Variants in STK3 observed in about 807,000 individuals in gnomAD.
STK3 encodes the protein serine/threonine-protein kinase 3.
A neutral mutation model predicts 58.0 loss-of-function variants in STK3; 41 were observed. The ratio of observed to expected loss-of-function variants is 0.71; its 90% CI spans 0.55 to 0.92. The LOEUF is 0.92. Among genes scored for constraint, STK3 ranks in the 40% least tolerant of loss-of-function variants. STK3 has a pLI of 0.00. For missense variants in STK3, 479 were observed against 602.7 expected (o/e 0.79, Z 2.15); for synonymous variants, 170 against 191.0 (o/e 0.89, Z 0.91).
At chr8:98,506,973 T>G (rs1824138795) in intron 10 of STK3, among the ~76,000 whole-genome samples, 1 of 152,212 alleles carries the variant, frequency 6.6e-6, no homozygotes, top group South Asian at 2.1e-4. Context: ...TCTACTGTTT[T>G]AAGCCACTCA....
At chr8:98,780,197 A>G (rs1477867572) in intron 1 of STK3, among the ~76,000 whole-genome samples, 2 of 151,762 alleles carry the variant, frequency 1.3e-5, no homozygotes, top group African/African-American at 4.8e-5. Flanking sequence ...ATATATATAC[A>G]TATACACTGA....
intron 6 of STK3, among the ~76,000 whole-genome samples, chr8:98,648,287 T>C (rs371842074): frequency 3.3e-5 from 5 of 152,214 alleles, no homozygotes; most frequent in African/African-American, 1.2e-4. Context: ...TTAATTGGTA[T>C]ACACAGAACT....
rs573255450 is a variant in STK3, at chr8:98,740,678, G to A, written c.351+8598C>T. On this transcript the variant is annotated intron_variant, in intron 4 of 10. Transcript: ENST00000419617. ...AAGACCATCGAGGCTAGGAAGAAAC[G>A]GTATCAACTAATGAGCAAAATAACC... Among the ~76,000 whole-genome samples, 6 of 152,146 alleles carry A rather than the reference G, an allele frequency of 3.9e-5. No homozygotes were observed. The South Asian group carries it at 8.3e-4, about 21-fold the overall frequency.
chr8:98,615,225 T>C (rs1416070819), intron 6 of STK3, among the ~76,000 whole-genome samples: 5 of 150,500 alleles, frequency 3.3e-5, no homozygotes, highest in Non-Finnish European at 3.0e-5. Context: ...CGGCAGGGTA[T>C]TCCAACAGAC....
At position 98,849,300 on chromosome 8, in the gene STK3, A is replaced by G. The variant is rs147015305; in HGVS notation, c.110+34347T>C. 5.5e-3 allele frequency among the ~76,000 whole-genome samples: 834 copies of G among 152,176 alleles called. 9 individuals carry two copies. The highest frequency in any genetic ancestry group is 0.019 in the African/African-American group (803 of 41,506). Reference sequence around the variant, plus strand: ...TTATTCCAATATCTGTATATTTTCTACAAGTCACTAAAGCACTAGCTATAG... The same window carrying G: ...TTATTCCAATATCTGTATATTTTCTGCAAGTCACTAAAGCACTAGCTATAG... On this transcript the variant is annotated intron_variant, in intron 3 of 12. Transcript: ENST00000523601.
chr8:98,690,906 C>A (rs1339521748), intron 6 of STK3, among the ~76,000 whole-genome samples: 2 of 152,120 alleles, frequency 1.3e-5, no homozygotes, highest in African/African-American at 2.4e-5. Context: ...ATGTCCTTTG[C>A]AGGAATGTGG....
rs117098681 is a variant in STK3 at position 98,898,091 on chromosome 8, G to A, written c.-78-14257C>T. 3.3e-5 allele frequency among the ~76,000 whole-genome samples: 5 copies of A among 152,308 alleles called. No homozygotes were observed. In the East Asian group the frequency reaches 9.6e-4, roughly 29 times the overall value. ...AATATTAGGGATGTTCTTCAGGTTT[G>A]CTAGGAGAAGAAGCACTCAGATTAC... On this transcript the variant is annotated intron_variant, in intron 1 of 1. Coordinates refer to the STK3 transcript ENST00000519420.
chr8:98,632,601 A>G (rs1819342978), intron 6 of STK3, among the ~76,000 whole-genome samples: 1 of 152,238 alleles, frequency 6.6e-6, no homozygotes, highest in African/African-American at 2.4e-5. Context: ...CATATGCCAT[A>G]CTATAGTCAG....
At chr8:98,825,991 CG>C (rs1158624204), upstream of STK3, among the ~76,000 whole-genome samples, 8 of 150,146 alleles carry the variant, frequency 5.3e-5, no homozygotes, top group African/African-American at 1.9e-4. Context: ...GGTGCCGCGG[CG>C]GGTGGGCGGG....
At chr8:98,387,673 G>C (rs2131008519) in intron 1 of STK3, among the ~76,000 whole-genome samples, 1 of 152,208 alleles carries the variant, frequency 6.6e-6, no homozygotes, top group South Asian at 2.1e-4. Context: ...GCTTGAACCT[G>C]GGAGGCAGAG....
intron 6 of STK3, among the ~76,000 whole-genome samples, chr8:98,673,924 C>T (rs1823012139): frequency 6.6e-6 from 1 of 152,130 alleles, no homozygotes; most frequent in East Asian, 1.9e-4. Context: ...GAATACTATG[C>T]TACATTCCAA....
intron 1 of STK3, among the ~76,000 whole-genome samples, chr8:98,809,248 A>T (rs1416903278): frequency 6.6e-6 from 1 of 152,234 alleles, no homozygotes; most frequent in African/African-American, 2.4e-5. Context: ...TTTGTAGCCA[A>T]GTCAGAAGTA....
intron 1 of STK3, among the ~76,000 whole-genome samples, chr8:98,808,385 C>G (rs1413913669): frequency 1.3e-5 from 2 of 152,188 alleles, no homozygotes; most frequent in Non-Finnish European, 2.9e-5. Context: ...ATATTTGGTC[C>G]TCTTTCTTTA....
At chr8:98,818,227 C>T (rs1341475186) in intron 1 of STK3, among the ~76,000 whole-genome samples, 5 of 152,238 alleles carry the variant, frequency 3.3e-5, no homozygotes, top group African/African-American at 1.2e-4. Context: ...TCTTTCTCTA[C>T]ACACTACTTA....
chr8:98,779,272 C>T (rs1016923227), intron 1 of STK3, among the ~76,000 whole-genome samples: 22 of 152,284 alleles, frequency 1.4e-4, no homozygotes, highest in African/African-American at 5.1e-4. Flanking sequence ...TCTGGTAATG[C>T]CACTGTGCTG....
intron 3 of STK3, among the ~76,000 whole-genome samples, chr8:98,424,519 G>T (rs1292450683): frequency 1.3e-5 from 2 of 152,182 alleles, no homozygotes; most frequent in African/African-American, 2.4e-5. Context: ...GAGGGTGAGA[G>T]CCCCAGGGGC....
At chr8:98,774,257 G>A (rs974923338) in intron 2 of STK3, among the ~76,000 whole-genome samples, 2 of 151,886 alleles carry the variant, frequency 1.3e-5, no homozygotes, top group Admixed American at 6.6e-5. Flanking sequence ...TGCTCAAACC[G>A]GCACGTTTCT....
chr8:98,851,289 C>T (rs1308095591), intron 3 of STK3, among the ~76,000 whole-genome samples: 2 of 152,110 alleles, frequency 1.3e-5, no homozygotes, highest in African/African-American at 2.4e-5. Context: ...GGGTGAATGT[C>T]GAATGAACTG....
At chr8:98,743,155 C>T (rs1468732736) in intron 4 of STK3, among the ~76,000 whole-genome samples, 1 of 151,794 alleles carries the variant, frequency 6.6e-6, no homozygotes, top group Non-Finnish European at 1.5e-5. Context: ...GCCATACTGC[C>T]CAAGGTATTT....
Sources: allele counts gnomAD v4.1 joint callset (sites outside exome capture counted in the v4.1 genomes callset), GRCh38; gene constraint gnomAD v4.1.1; transcripts MANE v1.5; gene names NCBI Gene and HGNC (gene_info 2026-07-23, HGNC 2026-07-21).